Variants in PFKP observed in about 807,000 individuals in gnomAD.
PFKP encodes the protein phosphofructokinase, platelet.
Under a neutral mutation model 94.3 loss-of-function variants are expected in PFKP, and 101 were observed. The observed-to-expected ratio is 1.07, with a 90% CI of 0.91 to 1.26. The LOEUF is 1.26. Ranked by LOEUF, PFKP falls within the 50% of genes most tolerant of loss-of-function variation. PFKP has a pLI of 0.00. For synonymous variants in PFKP, 573 were observed against 432.6 expected, an observed-to-expected ratio of 1.32 and a Z score of -4.03; for missense variants, 1,145 against 1,103.3, an observed-to-expected ratio of 1.04 and a Z score of -0.53.
intron 2 of PFKP, among the ~76,000 whole-genome samples, chr10:3,091,874 A>G (rs1424698183): frequency 6.6e-6 from 1 of 152,246 alleles, no homozygotes; most frequent in African/African-American, 2.4e-5. Context: ...AAACAATATC[A>G]GAGCTGTCTT....
At chr10:3,093,807 C>A (rs1180139499) in intron 2 of PFKP, among the ~76,000 whole-genome samples, 1 of 152,142 alleles carries the variant, frequency 6.6e-6, no homozygotes, top group Middle Eastern at 3.4e-3. Flanking sequence ...CCACACCCGG[C>A]TAATTTTTTG....
At chr10:3,078,676 C>G (rs1049660316) in intron 1 of PFKP, among the ~76,000 whole-genome samples, 1 of 152,182 alleles carries the variant, frequency 6.6e-6, no homozygotes, top group Admixed American at 6.5e-5. Context: ...ATGTTGTTAC[C>G]TTCCAGTAAT....
At chr10:3,102,119 C>T (rs1472498234) in intron 4 of PFKP, among the ~76,000 whole-genome samples, 9 of 149,478 alleles carry the variant, frequency 6.0e-5, no homozygotes, top group African/African-American at 1.2e-4. Flanking sequence ...GGCGTAGTGG[C>T]GGGCGCCTGT....
chr10:3,136,261 C>T (rs1839314395), intron 21 of PFKP, among the ~76,000 whole-genome samples, 189 bp from the exon 22 acceptor site: 1 of 152,182 alleles, frequency 6.6e-6, no homozygotes, highest in South Asian at 2.1e-4. Flanking sequence ...GAGACTCCAC[C>T]ACTGGGTCTT....
At chr10:3,071,350 A>C (rs924451411) in intron 1 of PFKP, among the ~76,000 whole-genome samples, 1 of 150,044 alleles carries the variant, frequency 6.7e-6, no homozygotes, top group Non-Finnish European at 1.5e-5. Flanking sequence ...TTGAATGAAG[A>C]AAGTATTTCT....
In PFKP at chr10:3,100,862, C is replaced by CAAAAA. The variant is rs71294492; in HGVS notation, c.265-487_265-483dup. 7.0e-4 allele frequency: 460 copies of CAAAAA among 656,946 alleles called. 2 individuals carry two copies. The highest frequency in any genetic ancestry group is 5.6e-3 in the African/African-American group (230 of 41,000). 40.7% of individuals were successfully genotyped at this position (656,946 alleles called of 1,614,324 possible). On this transcript the variant is annotated intron_variant, in intron 3 of 21. Transcript: ENST00000381125. ...TAAAAGGGGCAGCGAGTATGTGGTG[C>CAAAAA]AAAAAAAAAAAAAAAAAAAATCCCC...
intron 1 of PFKP, among the ~76,000 whole-genome samples, chr10:3,071,245 C>A (rs1323978203): frequency 6.6e-6 from 1 of 152,070 alleles, no homozygotes; most frequent in Non-Finnish European, 1.5e-5. Context: ...ATGTGATGGG[C>A]TGCTTTTTCT....
At chr10:3,125,544 C>T (rs558203020) in intron 16 of PFKP, among the ~76,000 whole-genome samples, 37 of 152,254 alleles carry the variant, frequency 2.4e-4, no homozygotes, top group Non-Finnish European at 5.0e-4. Flanking sequence ...CCTCTCCTGC[C>T]CACGCTGAGT....
rs761426322 is a variant in PFKP, at chr10:3,116,833, C to T, written c.1429C>T (p.Leu477Phe). ...CTGGACCGGCCAAGGAGGCTCCATT[C>T]TTGGGACAAAACGGTAACTTCCAAA... Reference protein sequence around the residue: ...GGWTGQGGSILGTKRVLPGKY... With the variant: ...GGWTGQGGSIFGTKRVLPGKY... The change falls in exon 14 of 22, where the codon CTT becomes TTT. Residue 477 changes from leucine (L) to phenylalanine (F), a missense_variant. Physicochemically the swap from Leu to Phe is conservative, Grantham distance 22. This residue lies in a region of PFKP where 1,119 missense variants were observed against 1,062.8 expected (regional missense o/e 1.05). Transcript: ENST00000381125. 1.9e-6 allele frequency: 3 copies of T among 1,611,478 alleles called. No homozygotes were observed. Among genetic ancestry groups the T allele is most frequent in the Admixed American group, 3.3e-5 (2 of 60,016 alleles).
chr10:3,135,193 A>AC (rs1172310579), intron 20 of PFKP, among the ~76,000 whole-genome samples: 1 of 145,446 alleles, frequency 6.9e-6, no homozygotes, highest in East Asian at 2.0e-4. Context: ...TCTCACCCCC[A>AC]CCCCCCTCAG....
chr10:3,118,586 C>T, intron 14 of PFKP, among the ~76,000 whole-genome samples, 196 bp from the exon 15 acceptor site: 1 of 152,156 alleles, frequency 6.6e-6, no homozygotes, highest in East Asian at 1.9e-4. Flanking sequence ...CTCATGAAAA[C>T]ACTGTTTTGA....
chr10:3,087,984 CT>C (rs1224829610), intron 2 of PFKP, among the ~76,000 whole-genome samples: 52 of 96,592 alleles, frequency 5.4e-4, no homozygotes, highest in Admixed American at 1.3e-3. Context: ...ATCTTTCATT[CT>C]TTTTTTTTTT....
intron 1 of PFKP, among the ~76,000 whole-genome samples, chr10:3,076,017 CAAAAAAAA>C (rs59102828): frequency 3.2e-5 from 2 of 61,842 alleles, no homozygotes; most frequent in East Asian, 3.6e-4. Context: ...GACTCCGTCT[CAAAAAAAA>C]AAAAAAAAAA....
chr10:3,108,646 T>C (rs1835865229), intron 8 of PFKP, 55 bp from the exon 9 acceptor site: 2 of 1,329,402 alleles, frequency 1.5e-6, no homozygotes, highest in Non-Finnish European at 2.2e-6. Flanking sequence ...CTTCCAGATC[T>C]GGGCTGCTGT....
At chr10:3,101,128 G>T in intron 3 of PFKP, 3 of 824,386 alleles carry the variant, frequency 3.6e-6, no homozygotes, top group Non-Finnish European at 6.0e-6. Context: ...CGTGTGTCTG[G>T]CTCTGCACCC....
chr10:3,092,071 T>C (rs1398776145), intron 2 of PFKP, among the ~76,000 whole-genome samples: 1 of 152,186 alleles, frequency 6.6e-6, no homozygotes, highest in Non-Finnish European at 1.5e-5. Context: ...TGTGCTGCCA[T>C]GGAGCCTGTG....
chr10:3,136,597 G>A lies in PFKP; in HGVS notation c.*18G>A. ...GTGTCTGACCCAGTCCCGCCTGCAT[G>A]TGCCTGCAGCCACCGTGGACTGTCT... On this transcript the variant is annotated 3_prime_UTR_variant, in exon 22 of 22. Coordinates refer to ENST00000381125, the MANE Select transcript of PFKP (RefSeq NM_002627.5). The A allele has an allele frequency of 1.2e-6, 2 of 1,612,444 alleles. No individual in the cohort carries two copies. Among genetic ancestry groups the A allele is most frequent in the South Asian group, 1.1e-5 (1 of 90,852 alleles).
At chr10:3,077,276 T>C (rs1826497233) in intron 1 of PFKP, among the ~76,000 whole-genome samples, 1 of 140,814 alleles carries the variant, frequency 7.1e-6, no homozygotes, top group African/African-American at 2.7e-5. Flanking sequence ...TTTTTTTTTT[T>C]TTTTGAGATG....
At chr10:3,100,930 G>A in intron 3 of PFKP, 1 of 1,607,996 alleles carries the variant, frequency 6.2e-7, no homozygotes, top group Non-Finnish European at 8.5e-7. Context: ...GGTGCTGTAA[G>A]GGGTGACTGG....
Sources: allele counts gnomAD v4.1 joint callset (sites outside exome capture counted in the v4.1 genomes callset), GRCh38; gene constraint gnomAD v4.1.1; regional missense constraint gnomAD v4.1.1; transcripts MANE v1.5; gene names NCBI Gene and HGNC (gene_info 2026-07-23, HGNC 2026-07-21).